The following ZCCHC2 variants were observed in gnomAD, a reference collection of about 807,000 sequenced individuals.
ZCCHC2 encodes zinc finger CCHC domain-containing protein 2.
A neutral mutation model predicts 103.6 loss-of-function variants in ZCCHC2; 39 were observed. The observed-to-expected ratio is 0.38, with a 90% CI of 0.29 to 0.49. The LOEUF (loss-of-function observed/expected upper bound fraction) is 0.49, where lower values mean the gene tolerates loss of function less well. Among genes scored for constraint, ZCCHC2 ranks in the 20% least tolerant of loss-of-function variants. The pLI, the probability that ZCCHC2 is intolerant of heterozygous loss-of-function variation, is 0.96. For synonymous variants in ZCCHC2, 687 were observed against 608.9 expected, an observed-to-expected ratio of 1.13 and a Z score of -1.89; for missense variants, 1,483 against 1,491.0, an observed-to-expected ratio of 0.99 and a Z score of 0.09.
At chr18:62,533,872 C>CAAAAA (rs35039729) in intron 1 of ZCCHC2, among the ~76,000 whole-genome samples, 4 of 99,506 alleles carry the variant, frequency 4.0e-5, no homozygotes, top group Admixed American at 1.2e-4. Context: ...AACTCTGCCT[C>CAAAAA]AAAAAAAAAA....
chr18:62,541,197 T>G (rs2145496663), intron 2 of ZCCHC2, among the ~76,000 whole-genome samples: 2 of 152,342 alleles, frequency 1.3e-5, no homozygotes, highest in South Asian at 4.1e-4. Flanking sequence ...GTTACAGGCT[T>G]TTGCCTGGCT....
chr18:62,576,751 CT>C lies in ZCCHC2; in HGVS notation c.*176del. 2 of 594,490 alleles carry C rather than the reference CT, an allele frequency of 3.4e-6. No homozygotes were observed. The highest frequency in any genetic ancestry group is 4.2e-5 in the South Asian group (2 of 47,580). The allele number at this position is 594,490 out of a possible 1,614,324, so 36.8% of individuals were successfully genotyped here. A position where few individuals can be genotyped will look rare whatever the true frequency, so the allele number is the denominator to read the frequency against. Reference sequence around the variant, plus strand: ...GTCCAAAACAAGAAAGAATGCAATGCTTTTGAGCCTCTGGTCTCCTGGTTCA... The same window carrying C: ...GTCCAAAACAAGAAAGAATGCAATGCTTTGAGCCTCTGGTCTCCTGGTTCA... On this transcript the variant is annotated 3_prime_UTR_variant, in exon 14 of 14. Coordinates refer to ENST00000269499, the MANE Select transcript of ZCCHC2 (RefSeq NM_017742.6).
At chr18:62,578,886 G>A (rs79514842), downstream of ZCCHC2, among the ~76,000 whole-genome samples, 35 of 152,196 alleles carry the variant, frequency 2.3e-4, no homozygotes, top group East Asian at 5.2e-3. Flanking sequence ...TCCTGCCTCC[G>A]CCTCCTGAGT....
At chr18:62,564,804 CT>C (rs3831482) in intron 10 of ZCCHC2, among the ~76,000 whole-genome samples, 169 bp downstream of exon 10, 6,255 of 152,122 alleles carry the variant, frequency 0.041, 215 homozygotes, top group South Asian at 0.13. Flanking sequence ...AAAAATAAAG[CT>C]ACTGTCAAAT....
At chr18:62,559,076 A>T (rs66726270) in intron 7 of ZCCHC2, among the ~76,000 whole-genome samples, 23,322 of 152,288 alleles carry the variant, frequency 0.15, 2,328 homozygotes, top group Non-Finnish European at 0.22. Flanking sequence ...CAAGTGAATA[A>T]CAACTTATAT....
At chr18:62,573,733 A>G (rs1916681579) in intron 12 of ZCCHC2, among the ~76,000 whole-genome samples, 1 of 152,206 alleles carries the variant, frequency 6.6e-6, no homozygotes, top group South Asian at 2.1e-4. Flanking sequence ...AAGTTTATTA[A>G]GGTTAAGAGT....
At position 62,563,016 on chromosome 18, in the gene ZCCHC2, G is replaced by T; in HGVS notation, c.1558G>T (p.Gly520Cys). ...TAAACTTTTCTTTGGTAGCAATATT[G>T]GTACAAGTTGTTCTCCATTGGATGG... ...TGKSPIVNNI[G>C]TSCSPLDGLT... The change falls in exon 9 of 14, where the codon GGT becomes TGT. Residue 520 changes from glycine (G) to cysteine (C), a missense_variant. Transcript: ENST00000269499. 1 of 1,607,928 alleles carries T rather than the reference G, an allele frequency of 6.2e-7. No homozygotes were observed. Among genetic ancestry groups the T allele is most frequent in the Non-Finnish European group, 8.5e-7 (1 of 1,175,006 alleles).
rs1387395710 is a variant in ZCCHC2 at position 62,575,410 on chromosome 18, T to C, written c.3329T>C (p.Val1110Ala). 4 of 1,613,880 alleles carry C rather than the reference T, an allele frequency of 2.5e-6. No individual in the cohort carries two copies. The highest frequency in any genetic ancestry group is 3.4e-6 in the Non-Finnish European group (4 of 1,179,908). The change falls in exon 13 of 14, where the codon GTA becomes GCA. Residue 1110 changes from valine (V) to alanine (A), a missense_variant. Coordinates refer to ENST00000269499, the MANE Select transcript of ZCCHC2 (RefSeq NM_017742.6). ...QMAGFGRFYP[V>A]YPAPNVVANT... Reference sequence around the variant, plus strand: ...GCAGGATTTGGGAGATTCTATCCTGTATATCCAGCACCTAACGTAGTTGCC... The same window carrying C: ...GCAGGATTTGGGAGATTCTATCCTGCATATCCAGCACCTAACGTAGTTGCC...
Position 62,524,307 on chromosome 18 carries a change from C to A in ZCCHC2, c.883C>A (p.Pro295Thr). ...GCTCCGCGCCGCGCTCCGCGGGGGC[C>A]CCGAGGACGCGGAGGTGGAGGTAGA... ...ERLRAALRGG[P>T]EDAEVEVEPC... The change falls in exon 1 of 14, where the codon CCC (proline) becomes ACC (threonine). Residue 295 changes from proline to threonine, a missense_variant. By Grantham distance (38) the Pro-to-Thr change is conservative. This residue lies in a region of ZCCHC2 where 568 missense variants were observed against 525.1 expected (regional missense o/e 1.08). Transcript: ENST00000269499. 1 of 1,548,454 alleles carries A rather than the reference C, an allele frequency of 6.5e-7. No homozygotes were observed.
intron 4 of ZCCHC2, among the ~76,000 whole-genome samples, chr18:62,549,169 A>T (rs1182522061): frequency 6.6e-6 from 1 of 152,050 alleles, no homozygotes; most frequent in Non-Finnish European, 1.5e-5. Context: ...CAGTGAGCCG[A>T]GATCGCGCCA....
In ZCCHC2 at chr18:62,524,078, G is replaced by C; in HGVS notation, c.654G>C (p.Glu218Asp). The C allele has an allele frequency of 6.6e-7, 1 of 1,508,144 alleles. No individual in the cohort carries two copies. Among genetic ancestry groups the C allele is most frequent in the Non-Finnish European group, 8.8e-7 (1 of 1,135,416 alleles). The allele number at this position is 1,508,144 out of a possible 1,614,324, so 93.4% of individuals were successfully genotyped here. A position where few individuals can be genotyped will look rare whatever the true frequency, so the allele number is the denominator to read the frequency against. ...GCGAGGGCTCGCGGGGCGGCGCGGAGGACGAGCGCGGCGAGGACGGCGACG... is the reference window on the plus strand; with the variant it reads ...GCGAGGGCTCGCGGGGCGGCGCGGACGACGAGCGCGGCGAGGACGGCGACG... ...ARGEGSRGGA[E>D]DERGEDGDGE... The change falls in exon 1 of 14, where the codon GAG (glutamate) becomes GAC (aspartate). Residue 218 changes from glutamate to aspartate, a missense_variant. By Grantham distance (45) the Glu-to-Asp change is conservative (BLOSUM62 2). This residue lies in a region of ZCCHC2 where 568 missense variants were observed against 525.1 expected (regional missense o/e 1.08). Coordinates refer to ENST00000269499, the MANE Select transcript of ZCCHC2 (RefSeq NM_017742.6).
Position 62,544,807 on chromosome 18 carries a change from T to G in ZCCHC2, c.1134T>G (p.Asn378Lys). The change falls in exon 4 of 14, where the codon AAT (asparagine) becomes AAG (lysine). Residue 378 changes from asparagine (N) to lysine (K), a missense_variant. By Grantham distance (94) the Asn-to-Lys change is moderately conservative (BLOSUM62 0). This residue lies in a region of ZCCHC2 where 568 missense variants were observed against 525.1 expected (regional missense o/e 1.08). Transcript: ENST00000269499. ...DKYWEYTFKV[N>K]WSDLSVTTVT... The stretch of plus-strand genomic sequence containing the variant: ...GTGTGTTTTTTTTAAATCAGGTAAA[T>G]TGGTCTGATCTTTCAGTCACAACAG... 1 of 1,544,972 alleles carries G rather than the reference T, an allele frequency of 6.5e-7. No homozygotes were observed. Among genetic ancestry groups the G allele is most frequent in the Non-Finnish European group, 8.7e-7 (1 of 1,146,454 alleles).
At chr18:62,539,845 G>T in intron 2 of ZCCHC2, 53 bp downstream of exon 2, 1 of 1,406,404 alleles carries the variant, frequency 7.1e-7, no homozygotes, top group Non-Finnish European at 9.9e-7. Context: ...AAGATTACAG[G>T]GTGCTCTTTA....
chr18:62,569,749 T>G (rs1209844435), intron 11 of ZCCHC2, among the ~76,000 whole-genome samples: 8 of 152,116 alleles, frequency 5.3e-5, no homozygotes. Flanking sequence ...GCCCTTTTCT[T>G]CTTGAGTTCT....
Position 62,574,665 on chromosome 18 carries a change from G to A in ZCCHC2, c.2584G>A (p.Val862Ile). The A allele has an allele frequency of 1.2e-6, 2 of 1,613,936 alleles. No homozygotes were observed. Among genetic ancestry groups the A allele is most frequent in the Non-Finnish European group, 1.7e-6 (2 of 1,179,882 alleles). Reference protein sequence around the residue: ...HNPGSFPGSPVATTDPITKSA... With the variant: ...HNPGSFPGSPIATTDPITKSA... Reference sequence around the variant, plus strand: ...CCCAGGTAGTTTCCCAGGCTCTCCTGTTGCTACCACGGACCCCATCACAAA... The same window carrying A: ...CCCAGGTAGTTTCCCAGGCTCTCCTATTGCTACCACGGACCCCATCACAAA... Residue 862 changes from valine to isoleucine, a missense_variant, in exon 13 of 14, where the codon GTT (valine) becomes ATT (isoleucine). Around this residue, in one of 3 missense-constraint regions of ZCCHC2, gnomAD observed 884 missense variants for 907.5 expected, o/e 0.97. Coordinates refer to ENST00000269499, the MANE Select transcript of ZCCHC2 (RefSeq NM_017742.6).
chr18:62,542,434 T>C (rs1915236399), intron 2 of ZCCHC2, 64 bp from the exon 3 acceptor site: 8 of 1,324,932 alleles, frequency 6.0e-6, no homozygotes, highest in Non-Finnish European at 8.4e-6. Context: ...AGGGTTACTT[T>C]AGGTAAGTGA....
intron 13 of ZCCHC2, among the ~76,000 whole-genome samples, chr18:62,575,880 A>T (rs1335855814): frequency 6.6e-6 from 1 of 151,956 alleles, no homozygotes; most frequent in Non-Finnish European, 1.5e-5. Context: ...ATCCTGTTTC[A>T]TAGAGTAAGC....
exon 15 of ZCCHC2, chr18:62,586,480 GTTTTCA>G (rs1917173249): frequency 6.6e-6 from 1 of 151,406 alleles, no homozygotes; most frequent in Non-Finnish European, 1.5e-5. Context: ...CATGTGTAAA[GTTTTCA>G]TTTTCAGGGG....
intron 1 of ZCCHC2, among the ~76,000 whole-genome samples, chr18:62,530,733 C>T (rs973182297): frequency 1.3e-5 from 2 of 152,114 alleles, no homozygotes; most frequent in African/African-American, 4.8e-5. Context: ...TTCTGTGAGT[C>T]ACAGAACATT....
Sources: gnomAD v4.1 joint callset for allele counts (sites outside exome capture counted in the v4.1 genomes callset) on GRCh38, gnomAD v4.1.1 for gene constraint, gnomAD v4.1.1 regional missense constraint, MANE v1.5 for transcripts, NCBI Gene and HGNC (gene_info 2026-07-23, HGNC 2026-07-21) for gene names.